TASOR2: variants seen among roughly 807,000 people sequenced by gnomAD.
TASOR2 encodes transcription activation suppressor family member 2, also known as protein TASOR 2.
In TASOR2, 84 loss-of-function variants were observed where a neutral mutation model predicts 199.5. That is an observed-to-expected ratio of 0.42 (90% confidence interval 0.35 to 0.50). The LOEUF (loss-of-function observed/expected upper bound fraction) is 0.50, where lower values mean the gene tolerates loss of function less well. Ranked by LOEUF, TASOR2 falls within the 20% of genes least tolerant of loss-of-function variation. The pLI, the probability that TASOR2 is intolerant of heterozygous loss-of-function variation, is 0.02. For synonymous variants in TASOR2, 1,103 were observed against 1,046.6 expected, an observed-to-expected ratio of 1.05 and a Z score of -1.04; for missense variants, 2,796 against 2,835.9, an observed-to-expected ratio of 0.99 and a Z score of 0.32.
At chr10:5,747,999 C>G (rs775202931) in exon 15 of TASOR2, 1 of 1,607,780 alleles carries the variant, frequency 6.2e-7, no homozygotes, top group Non-Finnish European at 8.5e-7. Context: ...GGGAGTTAAA[C>G]CAGCCTGCCT....
At position 5,752,970 on chromosome 10, in the gene TASOR2, C is replaced by T. The variant is rs1838288992; in HGVS notation, c.6606+2943C>T. On this transcript the variant is annotated intron_variant, in intron 15 of 20. Transcript: ENST00000328090. The surrounding 1 kb of genome is among the most constrained non-coding windows in gnomAD (Gnocchi z 4.4). ...TTCTGTTAGGTTTTTTCCTCCTAAC[C>T]ACTAGACCGCCAGAGATGAAGTTTT... Among the ~76,000 whole-genome samples the T allele has an allele frequency of 6.6e-6, 1 of 152,160 alleles. No individual in the cohort carries two copies. The highest frequency in any genetic ancestry group is 1.5e-5 in the Non-Finnish European group (1 of 68,038).
At chr10:5,723,857 A>G (rs1833692524) in intron 7 of TASOR2, 80 bp downstream of exon 8, 1 of 790,640 alleles carries the variant, frequency 1.3e-6, no homozygotes, top group African/African-American at 1.8e-5. Flanking sequence ...ACACTCACAC[A>G]TGCACACTTC....
chr10:5,755,753 G>A (rs1838838288), intron 15 of TASOR2, among the ~76,000 whole-genome samples: 1 of 152,066 alleles, frequency 6.6e-6, no homozygotes, highest in African/African-American at 2.4e-5. Flanking sequence ...GGGAGGCTGA[G>A]GTAAGAGAAC....
intron 7 of TASOR2, 81 bp downstream of exon 8, chr10:5,723,858 T>A: frequency 1.3e-6 from 1 of 768,740 alleles, no homozygotes; most frequent in Non-Finnish European, 2.0e-6. Context: ...CACTCACACA[T>A]GCACACTTCT....
rs139448738 is a variant in TASOR2 at position 5,699,135 on chromosome 10, T to C, written c.-287-13688T>C. Among the ~76,000 whole-genome samples, 46 of 152,334 alleles carry C rather than the reference T, an allele frequency of 3.0e-4. No individual in the cohort carries two copies. The East Asian group carries it at 7.3e-3, about 24-fold the overall frequency. On this transcript the variant is annotated intron_variant, in intron 1 of 20. Coordinates refer to ENST00000328090, the Ensembl canonical transcript of TASOR2. The surrounding 1 kb of genome is among the most constrained non-coding windows in gnomAD (Gnocchi z 4.1). ...GTAGTATATCCACAAAGTGGAATAT[T>C]ATTTGGCATAAAAAGGTATGAAATA...
chr10:5,705,166 T>A (rs533030807), intron 1 of TASOR2, among the ~76,000 whole-genome samples: 55 of 152,318 alleles, frequency 3.6e-4, no homozygotes, highest in African/African-American at 1.3e-3. Flanking sequence ...ATTTTCCTAT[T>A]CCTGCCCCCT....
exon 9 of TASOR2, chr10:5,726,917 T>C: frequency 6.2e-7 from 1 of 1,614,146 alleles, no homozygotes; most frequent in Non-Finnish European, 8.5e-7. Flanking sequence ...ATCGAGGGTT[T>C]TTCATTTTAC....
chr10:5,749,046 C>T (rs1300295186), exon 15 of TASOR2: 6 of 1,614,046 alleles, frequency 3.7e-6, no homozygotes, highest in Non-Finnish European at 5.1e-6. Flanking sequence ...TCCACAACAA[C>T]AACCAAGAGG....
rs745422965 is a variant in TASOR2 at position 5,746,605 on chromosome 10, G to A, written c.3184G>A (p.Val1062Ile). Residue 1062 changes from valine to isoleucine, a missense_variant, in exon 15 of 21, where the codon GTA (valine) becomes ATA (isoleucine). Val to Ile is a conservative substitution (Grantham distance 29). Transcript: ENST00000328090. ...TCTCACCTTTGAAAAAAATGCACAT[G>A]TACCAATACAGACAGAAGGTGTAAA... 5 of 1,614,016 alleles carry A rather than the reference G, an allele frequency of 3.1e-6. No homozygotes were observed. In the African/African-American group the frequency reaches 6.7e-5, roughly 22 times the overall value.
chr10:5,755,716 G>A (rs1043841302), intron 15 of TASOR2, among the ~76,000 whole-genome samples: 3 of 152,170 alleles, frequency 2.0e-5, no homozygotes, highest in Admixed American at 6.5e-5. Context: ...CAGGTGCCAC[G>A]GTTCATGCCC....
At chr10:5,763,053 ATATGG>A in exon 21 of TASOR2, 1 of 1,610,794 alleles carries the variant, frequency 6.2e-7, no homozygotes, top group Non-Finnish European at 8.5e-7. Context: ...GCCTGCCTGG[ATATGG>A]ATGATGCCAA....
Position 5,750,161 on chromosome 10 carries a change from A to T in TASOR2, c.6606+134A>T. The T allele has an allele frequency of 1.1e-6, 1 of 924,370 alleles. No homozygotes were observed. The highest frequency in any genetic ancestry group is 1.5e-6 in the Non-Finnish European group (1 of 647,670). 57.3% of individuals were successfully genotyped at this position (924,370 alleles called of 1,614,324 possible). On this transcript the variant is annotated intron_variant, in intron 15 of 20. Transcript: ENST00000328090. The surrounding 1 kb of genome is among the most constrained non-coding windows in gnomAD (Gnocchi z 5.4). ...ATTTAAATTTCACAGCTTAGTCTTT[A>T]TCTGCATACTAAATGTTTTCCTGCA...
rs1344873177 is a variant in TASOR2 at position 5,751,801 on chromosome 10, CAT to C, written c.6606+1777_6606+1778del. ...TCAGCACATAAAGCCAAGAAATATA[CAT>C]ATGTACATACGTATATCTACATCTC... On this transcript the variant is annotated intron_variant, in intron 15 of 20. Transcript: ENST00000328090. The surrounding 1 kb of genome is among the most constrained non-coding windows in gnomAD (Gnocchi z 5.3). 6.6e-6 allele frequency among the ~76,000 whole-genome samples: 1 copy of C among 152,170 alleles called. No homozygotes were observed. Among genetic ancestry groups the C allele is most frequent in the African/African-American group, 2.4e-5 (1 of 41,430 alleles).
At chr10:5,732,076 A>T (rs2380209) in intron 11 of TASOR2, among the ~76,000 whole-genome samples, 18,761 of 152,312 alleles carry the variant, frequency 0.12, 1,321 homozygotes, top group South Asian at 0.21. Context: ...TGAGCTACTT[A>T]GTGTATTGGC....
chr10:5,744,403 A>G (rs988609518), intron 14 of TASOR2, among the ~76,000 whole-genome samples: 2 of 152,114 alleles, frequency 1.3e-5, no homozygotes, highest in South Asian at 2.1e-4. Context: ...CCCTGGTTCA[A>G]CTGATTCTCC....
At chr10:5,712,793 G>A (rs538676631) in intron 1 of TASOR2, 30 bp from the exon 2 acceptor site, 100 of 1,086,592 alleles carry the variant, frequency 9.2e-5, no homozygotes, top group Admixed American at 8.1e-4. Context: ...TGTTTATAGC[G>A]TTTGGTTATT....
intron 1 of TASOR2, among the ~76,000 whole-genome samples, chr10:5,705,810 G>T (rs992026211): frequency 6.6e-6 from 1 of 151,996 alleles, no homozygotes; most frequent in African/African-American, 2.4e-5. Flanking sequence ...CTAGGTACAG[G>T]TACTTTACAA....
At chr10:5,717,795 A>AC in intron 3 of TASOR2, 45 bp downstream of exon 4, 1 of 728,544 alleles carries the variant, frequency 1.4e-6, no homozygotes, top group Non-Finnish European at 1.9e-6. Flanking sequence ...TTAAAGTTTA[A>AC]GGTTATCTAC....
rs1396943474 is a variant in TASOR2 at position 5,685,887 on chromosome 10, A to G, written c.-288+712A>G. Among the ~76,000 whole-genome samples, 1 of 152,262 alleles carries G rather than the reference A, an allele frequency of 6.6e-6. No homozygotes were observed. Among genetic ancestry groups the G allele is most frequent in the Non-Finnish European group, 1.5e-5 (1 of 68,044 alleles). ...TCTCCCTGTAAGGTACAATTAGAAT[A>G]GAAAAGTTTATGAAAGTGTATCCAA... On this transcript the variant is annotated intron_variant, in intron 1 of 20. Transcript: ENST00000328090. This position sits in a 1 kb window ranked among gnomAD's most constrained non-coding sequence, Gnocchi z 5.4.
Sources: allele counts gnomAD v4.1 joint callset (sites outside exome capture counted in the v4.1 genomes callset), GRCh38; gene constraint gnomAD v4.1.1; non-coding constraint Gnocchi (gnomAD v3.1); transcripts MANE v1.5; gene names NCBI Gene and HGNC (gene_info 2026-07-23, HGNC 2026-07-21).